Variants in PITPNM3 observed in about 807,000 individuals in gnomAD.
PITPNM3 encodes membrane-associated phosphatidylinositol transfer protein 3.
PITPNM3 carries 26 observed loss-of-function variants against 102.0 expected under a neutral mutation model. That is an observed-to-expected ratio of 0.25 (90% confidence interval 0.19 to 0.35). PITPNM3 has a LOEUF of 0.35. Among genes scored for constraint, PITPNM3 ranks in the 10% least tolerant of loss-of-function variants. The pLI is 1.00. For missense variants in PITPNM3, 1,083 were observed against 1,346.1 expected, an observed-to-expected ratio of 0.80 and a Z score of 3.06; for synonymous variants, 578 against 558.6, an observed-to-expected ratio of 1.03 and a Z score of -0.49.
At chr17:6,526,367 G>C (rs1188597996) in intron 2 of PITPNM3, among the ~76,000 whole-genome samples, 1 of 152,156 alleles carries the variant, frequency 6.6e-6, no homozygotes, top group Non-Finnish European at 1.5e-5. Context: ...CCCATACTTT[G>C]CCGAAAAACA....
At chr17:6,550,796 G>A (rs952799378) in intron 1 of PITPNM3, among the ~76,000 whole-genome samples, 1 of 152,188 alleles carries the variant, frequency 6.6e-6, no homozygotes, top group African/African-American at 2.4e-5. Flanking sequence ...TCCAAACACA[G>A]GTCAAGTCAC....
At chr17:6,502,868 T>C (rs762310584) in intron 4 of PITPNM3, among the ~76,000 whole-genome samples, 1 of 151,760 alleles carries the variant, frequency 6.6e-6, no homozygotes, top group African/African-American at 2.4e-5. Flanking sequence ...AATGGCCACA[T>C]CTCGACCAGG....
intron 17 of PITPNM3, among the ~76,000 whole-genome samples, chr17:6,463,427 C>CAGGGAGGGAAGGAGGGGGGG (rs1904580713): frequency 7.5e-6 from 1 of 133,740 alleles, no homozygotes; most frequent in African/African-American, 3.2e-5. Flanking sequence ...GGGAGGGAGG[C>CAGGGAGGGAAGGAGGGGGGG]AGGGAGGGAA....
At chr17:6,496,410 T>G (rs1440733331) in intron 4 of PITPNM3, among the ~76,000 whole-genome samples, 1 of 152,090 alleles carries the variant, frequency 6.6e-6, no homozygotes, top group Non-Finnish European at 1.5e-5. Context: ...TCCCTCTCAC[T>G]GCAGAGTCCC....
At position 6,495,794 on chromosome 17, in the gene PITPNM3, G is replaced by A. The variant is rs569115093; in HGVS notation, c.274+7733C>T. Among the ~76,000 whole-genome samples, 4 of 133,274 alleles carry A rather than the reference G, an allele frequency of 3.0e-5. No homozygotes were observed. The Admixed American group carries it at 3.0e-4, about 10-fold the overall frequency. 87.4% of individuals were successfully genotyped at this position (133,274 alleles called of 152,430 possible). Reference sequence around the variant, plus strand: ...GGAGGAGTCCTTCACCAGCACAGCTGCAAGGGAATGTACAGTCAAAATCAA... The same window carrying A: ...GGAGGAGTCCTTCACCAGCACAGCTACAAGGGAATGTACAGTCAAAATCAA... On this transcript the variant is annotated intron_variant, in intron 4 of 19. Transcript: ENST00000262483.
chr17:6,528,123 C>T lies in PITPNM3; in HGVS notation c.119-2660G>A, dbSNP rs1279698297. Among the ~76,000 whole-genome samples, 70 of 152,198 alleles carry T rather than the reference C, an allele frequency of 4.6e-4. 2 individuals are homozygous for T. The highest frequency in any genetic ancestry group is 4.6e-3 in the Admixed American group (70 of 15,276). ...CTCACTCAGATCTGAGCTCTCTGGA[C>T]CCCTTTCTATGGGTCTGTGTCTCTC... On this transcript the variant is annotated intron_variant, in intron 2 of 19. Transcript: ENST00000262483.
chr17:6,479,052 A>T (rs933800165), intron 6 of PITPNM3: 2 of 365,174 alleles, frequency 5.5e-6, no homozygotes. Flanking sequence ...ATCATAGAGG[A>T]AGAAGTCAGC....
intron 19 of PITPNM3, among the ~76,000 whole-genome samples, chr17:6,456,807 A>G (rs560856006): frequency 7.9e-4 from 121 of 152,310 alleles, no homozygotes; most frequent in African/African-American, 2.8e-3. Flanking sequence ...CCCAAGCCAC[A>G]GACCAAGTAG....
At chr17:6,521,354 G>A (rs925774232) in intron 3 of PITPNM3, 3 of 152,222 alleles carry the variant, frequency 2.0e-5, no homozygotes, top group African/African-American at 7.2e-5. Context: ...AGAGGTTGCA[G>A]TGAGCCAAGA....
At chr17:6,471,105 A>T in intron 12 of PITPNM3, 56 bp downstream of exon 12, 2 of 1,592,992 alleles carry the variant, frequency 1.3e-6, no homozygotes, top group Non-Finnish European at 1.7e-6. Context: ...GCAAACACCC[A>T]GAGGAAGGTT....
Position 6,468,400 on chromosome 17 carries a change from A to G in PITPNM3, c.1774-59T>C. The G allele has an allele frequency of 6.4e-7, 1 of 1,551,842 alleles. No individual in the cohort carries two copies. Among genetic ancestry groups the G allele is most frequent in the Non-Finnish European group, 8.9e-7 (1 of 1,124,526 alleles). On this transcript the variant is annotated intron_variant, in intron 13 of 19. Transcript: ENST00000262483. This position sits in a 1 kb window ranked among gnomAD's most constrained non-coding sequence, Gnocchi z 5.2. The stretch of plus-strand genomic sequence containing the variant: ...CTTCTGGCTTCTCTGCTTCCCTCCC[A>G]GGGTGTCAGTGCCCACCAGCTTGTG...
intron 4 of PITPNM3, among the ~76,000 whole-genome samples, chr17:6,502,727 T>G (rs1907259246): frequency 6.6e-6 from 1 of 152,088 alleles, no homozygotes; most frequent in Non-Finnish European, 1.5e-5. Context: ...CAAACACACA[T>G]GGAGTCCTCT....
intron 6 of PITPNM3, among the ~76,000 whole-genome samples, chr17:6,482,020 C>CTCTCTCTGTCTG (rs1567670222): frequency 7.9e-5 from 8 of 101,136 alleles, no homozygotes; most frequent in Admixed American, 1.9e-4. Context: ...CTCTCTCTCT[C>CTCTCTCTGTCTG]TCTCTCTCTC....
At chr17:6,528,822 C>T (rs966162215) in intron 2 of PITPNM3, among the ~76,000 whole-genome samples, 1 of 146,924 alleles carries the variant, frequency 6.8e-6, no homozygotes, top group Non-Finnish European at 1.5e-5. Flanking sequence ...CACACACACA[C>T]ATACACACGG....
chr17:6,556,437 G>T lies in PITPNM3; in HGVS notation c.-31C>A. On this transcript the variant is annotated 5_prime_UTR_variant, in exon 1 of 20. Transcript: ENST00000262483. The surrounding 1 kb of genome is among the most constrained non-coding windows in gnomAD (Gnocchi z 5.2). ...GGGCGGCGGGCTCCGGCGGCGCTAC[G>T]CGCGCTCCTCGCGCTTCCCGGGCCC... 8.0e-7 allele frequency: 1 copy of T among 1,246,282 alleles called. No homozygotes were observed. Among genetic ancestry groups the T allele is most frequent in the Non-Finnish European group, 1.0e-6 (1 of 995,252 alleles). The allele number at this position is 1,246,282 out of a possible 1,614,324, so 77.2% of individuals were successfully genotyped here.
At chr17:6,474,649 C>A (rs1326454610) in intron 9 of PITPNM3, 45 bp from the exon 10 acceptor site, 1 of 1,536,870 alleles carries the variant, frequency 6.5e-7, no homozygotes, top group African/African-American at 1.4e-5. Context: ...CAGGGAAGGA[C>A]CGAGAATGCG....
At chr17:6,474,641 G>T in intron 9 of PITPNM3, 37 bp from the exon 10 acceptor site, 1 of 1,542,864 alleles carries the variant, frequency 6.5e-7, no homozygotes, top group Non-Finnish European at 8.7e-7. Context: ...GGGCAGGTCA[G>T]GGAAGGACCG....
chr17:6,506,929 C>T (rs1488741604), intron 3 of PITPNM3, among the ~76,000 whole-genome samples: 3 of 152,242 alleles, frequency 2.0e-5, no homozygotes, highest in Non-Finnish European at 4.4e-5. Flanking sequence ...ATTGCAACCT[C>T]CATGCTGAAA....
rs114405169 is a variant in PITPNM3, at chr17:6,463,173, T to C, written c.2306+559A>G. Among the ~76,000 whole-genome samples, 416 of 152,198 alleles carry C rather than the reference T, an allele frequency of 2.7e-3. 3 individuals are homozygous for C. The highest frequency in any genetic ancestry group is 9.6e-3 in the African/African-American group (398 of 41,524). ...GGCCCGTCTTCTCTCCCCAAAACCG[T>C]CACTGTTACTGGGGTGAGGCAGGGC... On this transcript the variant is annotated intron_variant, in intron 17 of 19. Transcript: ENST00000262483.
Sources: gnomAD v4.1 joint callset for allele counts (sites outside exome capture counted in the v4.1 genomes callset) on GRCh38, gnomAD v4.1.1 for gene constraint, Gnocchi (gnomAD v3.1) non-coding constraint, MANE v1.5 for transcripts, NCBI Gene and HGNC (gene_info 2026-07-23, HGNC 2026-07-21) for gene names.